GPR158: variants seen among roughly 807,000 people sequenced by gnomAD.
The protein encoded by GPR158 is metabotropic glycine receptor.
Under a neutral mutation model 78.2 loss-of-function variants are expected in GPR158, and 30 were observed. The ratio of observed to expected loss-of-function variants is 0.38; its 90% CI spans 0.29 to 0.52. The LOEUF (loss-of-function observed/expected upper bound fraction) is 0.52. GPR158 is among the 20% of genes least tolerant of loss of function. GPR158 has a pLI of 0.83. For missense variants in GPR158, 1,463 were observed against 1,523.5 expected (o/e 0.96, Z 0.66); for synonymous variants, 581 against 591.1 (o/e 0.98, Z 0.25).
At chr10:25,268,049 C>CT (rs533658194) in intron 2 of GPR158, among the ~76,000 whole-genome samples, 71 of 151,656 alleles carry the variant, frequency 4.7e-4, no homozygotes, top group African/African-American at 1.3e-3. Context: ...CCACACAAGT[C>CT]TTTTTTTTGC....
chr10:25,268,280 G>A (rs775487931), intron 2 of GPR158, among the ~76,000 whole-genome samples: 16 of 152,096 alleles, frequency 1.1e-4, no homozygotes, highest in Non-Finnish European at 1.9e-4. Flanking sequence ...GACTCCCTTA[G>A]GTGCTTTGCT....
chr10:25,199,549 A>G (rs1017378249), intron 1 of GPR158, among the ~76,000 whole-genome samples: 7 of 152,114 alleles, frequency 4.6e-5, no homozygotes, highest in Non-Finnish European at 1.0e-4. Flanking sequence ...TTGAATTGTA[A>G]TCTCCAGCGT....
At chr10:25,400,204 T>A (rs905837396) in intron 3 of GPR158, among the ~76,000 whole-genome samples, 2 of 152,132 alleles carry the variant, frequency 1.3e-5, no homozygotes, top group Non-Finnish European at 2.9e-5. Context: ...AGGAGGAAAT[T>A]AGTTGCCTAA....
chr10:25,527,330 TA>T, intron 5 of GPR158, among the ~76,000 whole-genome samples: 1 of 152,088 alleles, frequency 6.6e-6, no homozygotes, highest in Non-Finnish European at 1.5e-5. Flanking sequence ...TTCACCAAGA[TA>T]ACCATATGGT....
chr10:25,225,183 C>CTTTTTTTTTTTTTTTTTTT (rs60603738), intron 2 of GPR158, among the ~76,000 whole-genome samples: 1 of 134,766 alleles, frequency 7.4e-6, no homozygotes, highest in African/African-American at 2.8e-5. Context: ...GAACATTTGC[C>CTTTTTTTTTTTTTTTTTTT]TTTTTTTTTT....
At chr10:25,226,251 G>A (rs1317628763) in intron 2 of GPR158, among the ~76,000 whole-genome samples, 1 of 152,140 alleles carries the variant, frequency 6.6e-6, no homozygotes, top group Non-Finnish European at 1.5e-5. Flanking sequence ...TCACTAACCT[G>A]ATTTCAAGCA....
chr10:25,493,425 T>A (rs899290246), intron 5 of GPR158, among the ~76,000 whole-genome samples: 2 of 152,212 alleles, frequency 1.3e-5, no homozygotes, highest in African/African-American at 4.8e-5. Flanking sequence ...TAGGATGTTT[T>A]CTGAAAGAGT....
At chr10:25,549,233 T>C (rs1021536041) in intron 5 of GPR158, among the ~76,000 whole-genome samples, 1 of 152,174 alleles carries the variant, frequency 6.6e-6, no homozygotes, top group African/African-American at 2.4e-5. Context: ...GCTCCCCACA[T>C]ACCTCAATCT....
At chr10:25,495,048 G>A (rs1463852386) in intron 5 of GPR158, among the ~76,000 whole-genome samples, 1 of 151,978 alleles carries the variant, frequency 6.6e-6, no homozygotes, top group Admixed American at 6.6e-5. Flanking sequence ...GAAGCTGCAG[G>A]TCAATGGTGG....
At chr10:25,371,308 A>G (rs1488711463) in intron 2 of GPR158, among the ~76,000 whole-genome samples, 2 of 151,718 alleles carry the variant, frequency 1.3e-5, no homozygotes, top group East Asian at 1.9e-4. Context: ...GGCTGGTACC[A>G]GTTGTTCCTT....
At chr10:25,504,463 C>A (rs1835984401) in intron 5 of GPR158, among the ~76,000 whole-genome samples, 1 of 152,160 alleles carries the variant, frequency 6.6e-6, no homozygotes, top group South Asian at 2.1e-4. Context: ...TGGTTCTTTA[C>A]TTCCTAGCCT....
chr10:25,440,274 C>A (rs2130587796), intron 4 of GPR158, among the ~76,000 whole-genome samples: 1 of 152,278 alleles, frequency 6.6e-6, no homozygotes, highest in East Asian at 1.9e-4. Flanking sequence ...TCAGACTGAG[C>A]CGAGCTCTAC....
intron 6 of GPR158, among the ~76,000 whole-genome samples, chr10:25,565,239 A>AAAT (rs1429627008): frequency 5.3e-5 from 8 of 152,216 alleles, no homozygotes; most frequent in African/African-American, 1.7e-4. Flanking sequence ...GGGGCTTAGA[A>AAAT]AATAAACATC....
At chr10:25,343,898 G>A (rs1044803442) in intron 2 of GPR158, among the ~76,000 whole-genome samples, 2 of 151,946 alleles carry the variant, frequency 1.3e-5, no homozygotes, top group Admixed American at 6.6e-5. Flanking sequence ...TCACAAAAGA[G>A]GAAGGCACTG....
chr10:25,329,518 G>T (rs1855088603), intron 2 of GPR158, among the ~76,000 whole-genome samples: 1 of 151,224 alleles, frequency 6.6e-6, no homozygotes, highest in Admixed American at 6.6e-5. Flanking sequence ...AAGCTTTTAT[G>T]ATTTGGATTT....
rs71399956 is a variant in GPR158, at chr10:25,208,558, TTGTGTGTGTGTGTGTGTG to T, written c.903-12464_903-12447del. Among the ~76,000 whole-genome samples, 1,045 of 135,248 alleles carry T rather than the reference TTGTGTGTGTGTGTGTGTG, an allele frequency of 7.7e-3. 25 individuals are homozygous for T. The highest frequency in any genetic ancestry group is 0.027 in the African/African-American group (977 of 36,640). The allele number at this position is 135,248 out of a possible 152,430, so 88.7% of individuals were successfully genotyped here. ...TGAGATTCTTTGGTCCTATGTGAATTTGTGTGTGTGTGTGTGTGTGTGTGTGTGTGTGTGTGTGTGTGT... is the reference window on the plus strand; with the variant it reads ...TGAGATTCTTTGGTCCTATGTGAATTTGTGTGTGTGTGTGTGTGTGTGTGT... On this transcript the variant is annotated intron_variant, in intron 1 of 10. Transcript: ENST00000376351.
chr10:25,525,624 C>T (rs1836336417), intron 5 of GPR158, among the ~76,000 whole-genome samples: 2 of 152,072 alleles, frequency 1.3e-5, no homozygotes, highest in African/African-American at 4.8e-5. Context: ...TTTATAAAGA[C>T]AGAAAGTAGA....
intron 2 of GPR158, among the ~76,000 whole-genome samples, chr10:25,241,381 C>T (rs1361182019): frequency 1.2e-4 from 15 of 122,030 alleles, no homozygotes; most frequent in South Asian, 7.9e-4. Flanking sequence ...TCTCTCTTCT[C>T]TTCTCTTCTC....
At chr10:25,499,847 G>C (rs1835930719) in intron 5 of GPR158, among the ~76,000 whole-genome samples, 2 of 152,170 alleles carry the variant, frequency 1.3e-5, no homozygotes. Flanking sequence ...GGGGCCCAGT[G>C]TGCCTGCGTC....
Sources: gnomAD v4.1 joint callset for allele counts (sites outside exome capture counted in the v4.1 genomes callset) on GRCh38, gnomAD v4.1.1 for gene constraint, MANE v1.5 for transcripts, NCBI Gene and HGNC (gene_info 2026-07-23, HGNC 2026-07-21) for gene names.